Variants in XYLB observed in about 807,000 individuals in gnomAD.
The protein encoded by XYLB is xylulokinase.
In XYLB, 62 loss-of-function variants were observed where a neutral mutation model predicts 78.7. The observed-to-expected ratio is 0.79, with a 90% CI of 0.64 to 0.97. The LOEUF is 0.97. Ranked by LOEUF, XYLB falls within the 50% of genes least tolerant of loss-of-function variation. The pLI, the probability that XYLB is intolerant of heterozygous loss-of-function variation, is 0.00. For synonymous variants in XYLB, 245 were observed against 247.4 expected, an observed-to-expected ratio of 0.99 and a Z score of 0.09; for missense variants, 687 against 676.8, an observed-to-expected ratio of 1.02 and a Z score of -0.17.
At chr3:38,382,537 A>G (rs1346191929) in intron 15 of XYLB, among the ~76,000 whole-genome samples, 3 of 152,238 alleles carry the variant, frequency 2.0e-5, no homozygotes, top group Non-Finnish European at 4.4e-5. Context: ...TAAAATGACC[A>G]CCATGAGCAT....
At chr3:38,400,790 T>G in intron 17 of XYLB, 101 bp from the exon 18 acceptor site, 1 of 913,644 alleles carries the variant, frequency 1.1e-6, no homozygotes, top group Non-Finnish European at 1.7e-6. Context: ...TATAATCCAG[T>G]TTTAGAACAG....
At chr3:38,441,641 T>C in the XYLB span, among the ~76,000 whole-genome samples, 15 of 151,800 alleles carry the variant, frequency 9.9e-5, no homozygotes, top group African/African-American at 3.4e-4. Context: ...GGTTGTCTGA[T>C]AGCCATAAAC....
the XYLB span, among the ~76,000 whole-genome samples, chr3:38,433,441 C>T: frequency 1.3e-5 from 2 of 152,328 alleles, no homozygotes; most frequent in African/African-American, 2.4e-5. Flanking sequence ...TGAATTTCTC[C>T]TCAGAAAATT....
At chr3:38,443,005 T>C in the XYLB span, among the ~76,000 whole-genome samples, 2 of 152,130 alleles carry the variant, frequency 1.3e-5, no homozygotes, top group Non-Finnish European at 2.9e-5. Context: ...GGCTAATATG[T>C]CCCTCCCTAA....
chr3:38,450,933 T>C, the XYLB span: 3 of 152,170 alleles, frequency 2.0e-5, no homozygotes, highest in Admixed American at 1.3e-4. Context: ...GGACTGTATA[T>C]GGGAGGAATC....
chr3:38,427,748 A>G, the XYLB span, among the ~76,000 whole-genome samples: 1 of 152,044 alleles, frequency 6.6e-6, no homozygotes, highest in Non-Finnish European at 1.5e-5. Flanking sequence ...GCCCACCACC[A>G]CACCTGGCTA....
At chr3:38,451,568 C>A in the XYLB span, 1 of 152,252 alleles carries the variant, frequency 6.6e-6, no homozygotes, top group Admixed American at 6.5e-5. Flanking sequence ...TCGCAGTGAG[C>A]CGAGATCGTG....
chr3:38,387,547 T>C (rs548114354), intron 15 of XYLB, among the ~76,000 whole-genome samples: 1 of 140,022 alleles, frequency 7.1e-6, no homozygotes, highest in African/African-American at 3.0e-5. Flanking sequence ...ATTTTTTGTA[T>C]TTTTAGTAGA....
the XYLB span, among the ~76,000 whole-genome samples, chr3:38,432,107 C>T: frequency 7.1e-5 from 6 of 84,354 alleles, no homozygotes; most frequent in Admixed American, 2.7e-4. Context: ...TCATTCCACC[C>T]TGGCACCTCC....
chr3:38,439,843 C>T, the XYLB span, among the ~76,000 whole-genome samples: 3 of 152,182 alleles, frequency 2.0e-5, no homozygotes, highest in South Asian at 2.1e-4. Context: ...CTCGTACTAT[C>T]GCTGACCGGT....
chr3:38,390,985 C>T (rs1235954889), intron 15 of XYLB, among the ~76,000 whole-genome samples: 10 of 152,066 alleles, frequency 6.6e-5, no homozygotes, highest in Non-Finnish European at 8.8e-5. Context: ...TTTGGGAGGC[C>T]GATACAGGCG....
At chr3:38,427,093 A>C in the XYLB span, among the ~76,000 whole-genome samples, 24 of 152,350 alleles carry the variant, frequency 1.6e-4, no homozygotes, top group South Asian at 6.2e-4. Flanking sequence ...AATGCTTATC[A>C]CTGGCTTTCT....
intron 15 of XYLB, among the ~76,000 whole-genome samples, chr3:38,389,292 A>C (rs1488138272): frequency 6.7e-6 from 1 of 149,406 alleles, no homozygotes; most frequent in African/African-American, 2.5e-5. Context: ...ATCCCAAGGC[A>C]GAAGAATTTT....
Position 38,366,823 on chromosome 3 carries a change from C to T in XYLB, c.523C>T (p.Gln175Ter), listed in dbSNP as rs1706288017. 1.9e-6 allele frequency: 3 copies of T among 1,613,198 alleles called. No individual in the cohort carries two copies. Among genetic ancestry groups the T allele is most frequent in the African/African-American group, 2.7e-5 (2 of 75,022 alleles). Residue 175 changes from glutamine to a stop codon, truncating the protein, a stop_gained, in exon 7 of 19, where the codon CAA (glutamine) becomes TAA (stop). Coordinates refer to ENST00000207870, the MANE Select transcript of XYLB (RefSeq NM_005108.4). LOFTEE classifies it high-confidence loss of function. ...CCTTTTCCAGCGTTTTACAGGGAACCAAATTGCAAAAATTTACCAGCAGAA... is the reference window on the plus strand; with the variant it reads ...CCTTTTCCAGCGTTTTACAGGGAACTAAATTGCAAAAATTTACCAGCAGAA... Reference protein sequence around the residue: ...SRAYERFTGNQIAKIYQQNPE... With the variant: ...SRAYERFTGN
intron 8 of XYLB, 132 bp from the exon 9 acceptor site, chr3:38,369,924 A>C (rs1706455485): frequency 1.2e-6 from 1 of 803,148 alleles, no homozygotes; most frequent in Non-Finnish European, 2.2e-6. Flanking sequence ...ACAAGCATAT[A>C]TACCTTCCAT....
the XYLB span, among the ~76,000 whole-genome samples, chr3:38,426,715 C>T: frequency 1.1e-4 from 17 of 152,340 alleles, no homozygotes; most frequent in South Asian, 3.1e-3. Flanking sequence ...TGTGACAAAG[C>T]TGCCTATGCC....
At chr3:38,448,296 A>T in the XYLB span, among the ~76,000 whole-genome samples, 1 of 152,198 alleles carries the variant, frequency 6.6e-6, no homozygotes, top group Non-Finnish European at 1.5e-5. Flanking sequence ...ATACAGATAG[A>T]ATAAACTCAA....
chr3:38,377,179 C>T (rs938744959), intron 14 of XYLB, among the ~76,000 whole-genome samples, 188 bp downstream of exon 14: 1 of 151,882 alleles, frequency 6.6e-6, no homozygotes, highest in Non-Finnish European at 1.5e-5. Context: ...AAGACAGACA[C>T]GGTCCTTTCC....
Position 38,412,891 on chromosome 3 carries a change from G to A in XYLB, c.1534-45G>A, listed in dbSNP as rs780671167. 8 of 1,524,116 alleles carry A rather than the reference G, an allele frequency of 5.2e-6. No homozygotes were observed. In the African/African-American group the frequency reaches 9.8e-5, roughly 19 times the overall value. 94.4% of individuals were successfully genotyped at this position (1,524,116 alleles called of 1,614,324 possible). A position where few individuals can be genotyped will look rare whatever the true frequency, so the allele number is the denominator to read the frequency against. On this transcript the variant is annotated intron_variant, in intron 18 of 18. Coordinates refer to ENST00000207870, the MANE Select transcript of XYLB (RefSeq NM_005108.4). ...TTGCAAAGTGCAACCAGATGTAAGA[G>A]GCATTTTCCCCCTCTGTTCTAAACT... is the stretch of plus-strand genomic sequence containing the variant.
Sources: allele counts gnomAD v4.1 joint callset (sites outside exome capture counted in the v4.1 genomes callset), GRCh38; gene constraint gnomAD v4.1.1; transcripts MANE v1.5; gene names NCBI Gene and HGNC (gene_info 2026-07-23, HGNC 2026-07-21).